The following DYNC1I1 variants were observed in gnomAD, a reference collection of about 807,000 sequenced individuals.
The protein encoded by DYNC1I1 is cytoplasmic dynein 1 intermediate chain 1.
A neutral mutation model predicts 86.6 loss-of-function variants in DYNC1I1; 43 were observed. The ratio of observed to expected loss-of-function variants is 0.50; its 90% CI spans 0.39 to 0.64. DYNC1I1 has a LOEUF of 0.64. Ranked by LOEUF, DYNC1I1 falls within the 30% of genes least tolerant of loss-of-function variation. The pLI, the probability that DYNC1I1 is intolerant of heterozygous loss-of-function variation, is 0.00. For synonymous variants in DYNC1I1, 262 were observed against 283.7 expected (o/e 0.92, Z 0.77); for missense variants, 604 against 788.8 (o/e 0.77, Z 2.81).
At chr7:95,890,607 A>T (rs943861387) in intron 6 of DYNC1I1, among the ~76,000 whole-genome samples, 4 of 152,210 alleles carry the variant, frequency 2.6e-5, no homozygotes, top group African/African-American at 7.2e-5. Flanking sequence ...AAAAATAAAT[A>T]AAATTAAATT....
intron 6 of DYNC1I1, among the ~76,000 whole-genome samples, chr7:95,966,448 G>A (rs1793015274): frequency 6.6e-6 from 1 of 152,196 alleles, no homozygotes; most frequent in Admixed American, 6.5e-5. Context: ...TAGAGGGCCT[G>A]TTATCCCAAG....
chr7:95,924,554 G>T (rs932886671), intron 6 of DYNC1I1, among the ~76,000 whole-genome samples: 16 of 152,088 alleles, frequency 1.1e-4, no homozygotes, highest in African/African-American at 3.9e-4. Context: ...TATGTCCATC[G>T]GACAGCAGTG....
At position 95,869,979 on chromosome 7, in the gene DYNC1I1, TGCCAC is replaced by T; in HGVS notation, c.474_478del (p.Thr159SerfsTer3). Reference sequence around the variant, plus strand: ...ACTCAAAGGAGACCCAGACTCCTCTTGCCACGCATCAGTCTGAAGGTAAACTATGT... The same window carrying T: ...ACTCAAAGGAGACCCAGACTCCTCTTGCATCAGTCTGAAGGTAAACTATGT... On this transcript the variant is annotated frameshift_variant, in exon 6 of 17. Coordinates refer to ENST00000447467, the MANE Select transcript of DYNC1I1 (RefSeq NM_001135556.2). LOFTEE classifies it high-confidence loss of function. The T allele has an allele frequency of 1.2e-6, 2 of 1,613,796 alleles. No homozygotes were observed. The highest frequency in any genetic ancestry group is 3.3e-5 in the Admixed American group (2 of 59,984).
rs117022399 is a variant in DYNC1I1, at chr7:95,809,529, A to C, written c.109-863A>C. Among the ~76,000 whole-genome samples, 385 of 152,298 alleles carry C rather than the reference A, an allele frequency of 2.5e-3. 2 individuals are homozygous for C. The highest frequency in any genetic ancestry group is 4.7e-3 in the Non-Finnish European group (322 of 68,016). On this transcript the variant is annotated intron_variant, in intron 2 of 16. Coordinates refer to ENST00000447467, the MANE Select transcript of DYNC1I1 (RefSeq NM_001135556.2). ...AGATGTGGGGCAAATAACTTATCTT[A>C]AGTAATAACTGTATTATGAAAGAGA...
At chr7:95,815,247 T>G (rs553176903) in intron 4 of DYNC1I1, among the ~76,000 whole-genome samples, 348 of 152,336 alleles carry the variant, frequency 2.3e-3, no homozygotes, top group Non-Finnish European at 4.2e-3. Context: ...TGATTTTTTT[T>G]AACTTTATGA....
intron 7 of DYNC1I1, among the ~76,000 whole-genome samples, chr7:95,981,802 G>A (rs555931331): frequency 2.0e-5 from 3 of 152,066 alleles, no homozygotes; most frequent in Non-Finnish European, 4.4e-5. Context: ...TTTTGTTTTG[G>A]TATGCCCTTT....
intron 14 of DYNC1I1, among the ~76,000 whole-genome samples, chr7:96,045,533 T>TA (rs1789183879): frequency 6.6e-6 from 1 of 152,158 alleles, no homozygotes; most frequent in African/African-American, 2.4e-5. Context: ...TTAAAAGAAA[T>TA]AGGACTTTTT....
chr7:96,073,753 G>A (rs1266841455), intron 14 of DYNC1I1, among the ~76,000 whole-genome samples: 1 of 152,122 alleles, frequency 6.6e-6, no homozygotes, highest in Non-Finnish European at 1.5e-5. Flanking sequence ...TAGTGGGCTG[G>A]CTAGCTATAA....
chr7:96,056,751 A>G (rs1376651484), intron 14 of DYNC1I1, among the ~76,000 whole-genome samples: 1 of 152,022 alleles, frequency 6.6e-6, no homozygotes, highest in Admixed American at 6.6e-5. Context: ...TACTATATAT[A>G]TAGTGTGTAT....
chr7:95,808,823 T>G (rs1794761966), intron 2 of DYNC1I1, among the ~76,000 whole-genome samples: 1 of 152,166 alleles, frequency 6.6e-6, no homozygotes, highest in Non-Finnish European at 1.5e-5. Flanking sequence ...TTTTAATTAC[T>G]AATACTGCAA....
chr7:95,968,301 G>A (rs1029393), intron 6 of DYNC1I1, among the ~76,000 whole-genome samples: 117,669 of 151,974 alleles, frequency 0.77, 45,670 homozygotes, highest in East Asian at 0.87. Context: ...GAATGCTAGA[G>A]AACATGTACT....
chr7:95,962,218 A>T (rs957631469), intron 6 of DYNC1I1, among the ~76,000 whole-genome samples: 1 of 152,206 alleles, frequency 6.6e-6, no homozygotes, highest in Non-Finnish European at 1.5e-5. Flanking sequence ...TCATGCTTGC[A>T]GCAAGCCCAG....
intron 16 of DYNC1I1, among the ~76,000 whole-genome samples, chr7:96,089,409 A>G (rs1790774305): frequency 6.6e-6 from 1 of 152,174 alleles, no homozygotes. Flanking sequence ...ATTTGAGGAA[A>G]AATTAAGGGA....
At chr7:95,813,078 T>A in intron 3 of DYNC1I1, 169 bp from the exon 4 acceptor site, 1 of 1,402,264 alleles carries the variant, frequency 7.1e-7, no homozygotes, top group East Asian at 2.4e-5. Flanking sequence ...CACTGGACTT[T>A]TTTCCTTTTC....
intron 6 of DYNC1I1, among the ~76,000 whole-genome samples, chr7:95,887,418 T>C (rs933215029): frequency 5.9e-5 from 9 of 152,176 alleles, no homozygotes; most frequent in African/African-American, 1.9e-4. Context: ...TGGCCAACTA[T>C]ACCTTTTAAA....
intron 16 of DYNC1I1, among the ~76,000 whole-genome samples, chr7:96,084,696 T>G (rs941079714): frequency 6.6e-6 from 1 of 152,114 alleles, no homozygotes; most frequent in Non-Finnish European, 1.5e-5. Context: ...GTACTGAGAT[T>G]ACAGATTTGA....
At position 95,936,545 on chromosome 7, in the gene DYNC1I1, G is replaced by GA. The variant is rs377122580; in HGVS notation, c.491-40961dup. ...CATATACTGGAAAAAGAGAAAAAAA[G>GA]AAAAAATCTGTAGAGGAAAAATATA... On this transcript the variant is annotated intron_variant, in intron 6 of 16. Transcript: ENST00000447467. 5.6e-3 allele frequency among the ~76,000 whole-genome samples: 853 copies of GA among 151,806 alleles called. 16 individuals are homozygous for GA. Among genetic ancestry groups the GA allele is most frequent in the African/African-American group, 0.02 (825 of 41,488 alleles).
intron 1 of DYNC1I1, among the ~76,000 whole-genome samples, chr7:95,785,930 T>A (rs1174496601): frequency 6.6e-6 from 1 of 151,406 alleles, no homozygotes; most frequent in Non-Finnish European, 1.5e-5. Context: ...TGCTAAGGTA[T>A]CTATTTTGAA....
chr7:95,962,421 T>C lies in DYNC1I1; in HGVS notation c.491-15091T>C, dbSNP rs1792895097. ...TAATAGCTGCTTCTGTGGGTCTTTC[T>C]AGCCCTTTGTTTCTGTGATTATTAT... On this transcript the variant is annotated intron_variant, in intron 6 of 16. Coordinates refer to ENST00000447467, the MANE Select transcript of DYNC1I1 (RefSeq NM_001135556.2). Among the ~76,000 whole-genome samples the C allele has an allele frequency of 5.2e-5, 8 of 152,382 alleles. No homozygotes were observed. The South Asian group carries it at 8.3e-4, about 16-fold the overall frequency.
Sources: allele counts gnomAD v4.1 joint callset (sites outside exome capture counted in the v4.1 genomes callset), GRCh38; gene constraint gnomAD v4.1.1; transcripts MANE v1.5; gene names NCBI Gene and HGNC (gene_info 2026-07-23, HGNC 2026-07-21).